Variants in SLC22A23 observed in about 807,000 individuals in gnomAD.
The protein encoded by SLC22A23 is ion transporter protein.
SLC22A23 carries 26 observed loss-of-function variants against 61.0 expected under a neutral mutation model. The ratio of observed to expected loss-of-function variants is 0.43; its 90% confidence interval spans 0.31 to 0.59. SLC22A23 has a LOEUF of 0.59. SLC22A23 is among the 20% of genes least tolerant of loss of function. The pLI, the probability that SLC22A23 is intolerant of heterozygous loss-of-function variation, is 0.11. For synonymous variants in SLC22A23, 430 were observed against 413.9 expected (o/e 1.04, Z -0.47); for missense variants, 796 against 934.7 (o/e 0.85, Z 1.94).
intron 9 of SLC22A23, 98 bp from the exon 10 acceptor site, chr6:3,273,510 C>CCTGCTGCCCTGGGCA: frequency 7.5e-7 from 1 of 1,334,664 alleles, no homozygotes; most frequent in South Asian, 1.3e-5. Context: ...CTGCAGGGGC[C>CCTGCTGCCCTGGGCA]CTGCTGCCCT....
At chr6:3,406,498 C>T (rs1286003758) in intron 3 of SLC22A23, among the ~76,000 whole-genome samples, 12 of 151,774 alleles carry the variant, frequency 7.9e-5, no homozygotes, top group South Asian at 4.2e-4. Flanking sequence ...CCGTGCCCCT[C>T]GCCTTGCTAA....
intron 1 of SLC22A23, among the ~76,000 whole-genome samples, chr6:3,424,379 AG>A (rs1770343256): frequency 6.6e-6 from 1 of 152,244 alleles, no homozygotes; most frequent in South Asian, 2.1e-4. Flanking sequence ...GTCACCTGTC[AG>A]TCAAAGTATG....
At chr6:3,347,061 A>G (rs898618276) in intron 3 of SLC22A23, among the ~76,000 whole-genome samples, 2 of 151,928 alleles carry the variant, frequency 1.3e-5, no homozygotes, top group Non-Finnish European at 2.9e-5. Flanking sequence ...GTTTTTTTTT[A>G]AATGGTTATC....
chr6:3,366,627 C>G (rs1765855284), intron 3 of SLC22A23, among the ~76,000 whole-genome samples: 1 of 152,206 alleles, frequency 6.6e-6, no homozygotes, highest in Admixed American at 6.5e-5. Context: ...CAAGCTATCT[C>G]ATGTGGACAA....
At chr6:3,294,417 G>C (rs1428300665) in intron 5 of SLC22A23, among the ~76,000 whole-genome samples, 1 of 152,104 alleles carries the variant, frequency 6.6e-6, no homozygotes, top group Non-Finnish European at 1.5e-5. Flanking sequence ...TTCAGATTTG[G>C]GATTTTTGGA....
chr6:3,372,166 C>T lies in SLC22A23; in HGVS notation c.913+38022G>A, dbSNP rs564363152. On this transcript the variant is annotated intron_variant, in intron 3 of 9. Transcript: ENST00000406686. This position sits in a 1 kb window ranked among gnomAD's most constrained non-coding sequence, Gnocchi z 4.7. ...CAGGATCTGAGCTCTGCCTCGAGGG[C>T]ACAGACTCCTGTGATGAGGCTGGAC... Among the ~76,000 whole-genome samples, 2 of 152,300 alleles carry T rather than the reference C, an allele frequency of 1.3e-5. No individual in the cohort carries two copies. Among genetic ancestry groups the T allele is most frequent in the South Asian group, 4.2e-4 (2 of 4,816 alleles).
At chr6:3,358,594 G>A (rs913090908) in intron 3 of SLC22A23, among the ~76,000 whole-genome samples, 2 of 152,098 alleles carry the variant, frequency 1.3e-5, no homozygotes, top group South Asian at 2.1e-4. Flanking sequence ...GGAGTTGCTC[G>A]TCAACTAGCA....
intron 1 of SLC22A23, among the ~76,000 whole-genome samples, chr6:3,446,583 C>T (rs756506123): frequency 6.6e-6 from 1 of 152,162 alleles, no homozygotes; most frequent in Non-Finnish European, 1.5e-5. Context: ...GCCCTGGGAA[C>T]AGGCTCAGGC....
chr6:3,291,349 A>G (rs1028333874), intron 5 of SLC22A23: 1 of 152,218 alleles, frequency 6.6e-6, no homozygotes, highest in Non-Finnish European at 1.5e-5. Flanking sequence ...TGAAGAAAAA[A>G]TGTGTTGCTA....
intron 1 of SLC22A23, chr6:3,438,600 T>G (rs181409983): frequency 1.1e-5 from 5 of 441,076 alleles, no homozygotes; most frequent in African/African-American, 6.1e-5. Context: ...AAAGGCTAGT[T>G]TGAATTAGAG....
rs1267926895 is a variant in SLC22A23 at position 3,322,928 on chromosome 6, T to A, written c.1082+906A>T. Among the ~76,000 whole-genome samples, 2 of 151,988 alleles carry A rather than the reference T, an allele frequency of 1.3e-5. No homozygotes were observed. Among genetic ancestry groups the A allele is most frequent in the East Asian group, 3.9e-4 (2 of 5,182 alleles). On this transcript the variant is annotated intron_variant, in intron 4 of 9. Transcript: ENST00000406686. The surrounding 1 kb of genome is among the most constrained non-coding windows in gnomAD (Gnocchi z 4.1). ...GTGAGAGTATCAGCATGGAGAGGGA[T>A]GGGAAGGAAGGGAAAGGATGAAAAA... is the stretch of plus-strand genomic sequence containing the variant.
intron 1 of SLC22A23, chr6:3,445,027 G>A: frequency 1.0e-6 from 1 of 969,534 alleles, no homozygotes; most frequent in Non-Finnish European, 1.2e-6. Flanking sequence ...AGGTACGTGG[G>A]GGTGGGGCAC....
intron 4 of SLC22A23, among the ~76,000 whole-genome samples, chr6:3,305,629 A>C (rs1761921836): frequency 6.6e-6 from 1 of 152,236 alleles, no homozygotes; most frequent in Non-Finnish European, 1.5e-5. Flanking sequence ...CGCCACACAA[A>C]TTAAAAAGCC....
chr6:3,396,792 AC>A (rs1187600135), intron 3 of SLC22A23, among the ~76,000 whole-genome samples: 1 of 152,130 alleles, frequency 6.6e-6, no homozygotes, highest in Non-Finnish European at 1.5e-5. Flanking sequence ...TCCAGGGAAA[AC>A]CCATCTCCCT....
At chr6:3,314,506 A>C (rs2127386351) in intron 4 of SLC22A23, among the ~76,000 whole-genome samples, 1 of 152,338 alleles carries the variant, frequency 6.6e-6, no homozygotes, top group South Asian at 2.1e-4. Context: ...CAGGGTCTTC[A>C]GGAAGATTTA....
intron 1 of SLC22A23, among the ~76,000 whole-genome samples, chr6:3,440,460 C>G (rs1318694322): frequency 2.6e-5 from 4 of 151,986 alleles, no homozygotes; most frequent in East Asian, 1.9e-4. Flanking sequence ...GTAATCCCAG[C>G]ACTTTGGGAG....
At chr6:3,273,977 C>T (rs1758672312) in intron 9 of SLC22A23, among the ~76,000 whole-genome samples, 1 of 152,164 alleles carries the variant, frequency 6.6e-6, no homozygotes, top group African/African-American at 2.4e-5. Flanking sequence ...TGAAATTGCT[C>T]ACATACCACC....
intron 5 of SLC22A23, among the ~76,000 whole-genome samples, chr6:3,296,773 A>C (rs1761138857): frequency 6.6e-6 from 1 of 152,104 alleles, no homozygotes; most frequent in Non-Finnish European, 1.5e-5. Flanking sequence ...GCCCTGCACA[A>C]GTTGAGGCAG....
intron 9 of SLC22A23, among the ~76,000 whole-genome samples, chr6:3,275,537 G>A (rs1026484501): frequency 6.6e-6 from 1 of 152,144 alleles, no homozygotes; most frequent in African/African-American, 2.4e-5. Flanking sequence ...CCATAGACTG[G>A]GAGAAAATAT....
Sources: allele counts gnomAD v4.1 joint callset (sites outside exome capture counted in the v4.1 genomes callset), GRCh38; gene constraint gnomAD v4.1.1; non-coding constraint Gnocchi (gnomAD v3.1); transcripts MANE v1.5; gene names NCBI Gene and HGNC (gene_info 2026-07-23, HGNC 2026-07-21).